Variants in NDST3 observed in about 807,000 individuals in gnomAD.
The protein encoded by NDST3 is N-deacetylase and N-sulfotransferase 3.
In NDST3, 58 loss-of-function variants were observed where a neutral mutation model predicts 96.1. The observed-to-expected ratio is 0.60, with a 90% CI of 0.49 to 0.75. The LOEUF (loss-of-function observed/expected upper bound fraction) is 0.75, where lower values mean the gene tolerates loss of function less well. Ranked by LOEUF, NDST3 falls within the 30% of genes least tolerant of loss-of-function variation. The pLI, the probability that NDST3 is intolerant of heterozygous loss-of-function variation, is 0.00. For synonymous variants in NDST3, 333 were observed against 359.7 expected (o/e 0.93, Z 0.84); for missense variants, 788 against 1,034.2 (o/e 0.76, Z 3.27).
At chr4:118,243,891 G>T (rs1414107175) in intron 12 of NDST3, among the ~76,000 whole-genome samples, 3 of 152,150 alleles carry the variant, frequency 2.0e-5, no homozygotes, top group Admixed American at 6.5e-5. Flanking sequence ...AAACTTAAGA[G>T]AATATCAAAG....
At chr4:118,122,433 T>A (rs1449634799) in intron 4 of NDST3, among the ~76,000 whole-genome samples, 1 of 152,174 alleles carries the variant, frequency 6.6e-6, no homozygotes, top group Non-Finnish European at 1.5e-5. Flanking sequence ...GGCTCCGCTT[T>A]GGCATTTTTG....
chr4:118,198,777 A>G (rs1039401130), intron 6 of NDST3, among the ~76,000 whole-genome samples: 3 of 150,892 alleles, frequency 2.0e-5, no homozygotes, highest in Non-Finnish European at 4.4e-5. Flanking sequence ...TTTTTTGTCT[A>G]GGAAAGTCTT....
chr4:118,158,179 C>G (rs1734839946), intron 6 of NDST3, among the ~76,000 whole-genome samples: 1 of 152,108 alleles, frequency 6.6e-6, no homozygotes, highest in South Asian at 2.1e-4. Context: ...ATCAATGACA[C>G]TTAGTAGCAA....
rs575766089 is a variant in NDST3 at position 118,044,837 on chromosome 4, G to A, written c.-155-8919G>A. Among the ~76,000 whole-genome samples the A allele has an allele frequency of 5.9e-5, 9 of 152,246 alleles. No homozygotes were observed. In the South Asian group the frequency reaches 8.3e-4, roughly 14 times the overall value. On this transcript the variant is annotated intron_variant, in intron 1 of 13. Coordinates refer to ENST00000296499, the MANE Select transcript of NDST3 (RefSeq NM_004784.3). ...TGCACAAAGGGGCAAGAGAGCAAGA[G>A]CCAGCCAAACTTGCTTTTATGACAC...
At chr4:118,253,464 T>A (rs367549711) in intron 12 of NDST3, 35 bp from the exon 13 acceptor site, 1 of 1,430,678 alleles carries the variant, frequency 7.0e-7, no homozygotes, top group Non-Finnish European at 9.7e-7. Context: ...AAAATGATTT[T>A]CTGGTTTTTC....
At chr4:118,088,116 A>C in intron 2 of NDST3, among the ~76,000 whole-genome samples, 1 of 152,232 alleles carries the variant, frequency 6.6e-6, no homozygotes, top group South Asian at 2.1e-4. Flanking sequence ...ATGCCAGTCA[A>C]GTAACAGGAA....
intron 12 of NDST3, among the ~76,000 whole-genome samples, chr4:118,245,409 A>G (rs1436164102): frequency 1.3e-5 from 2 of 152,178 alleles, no homozygotes; most frequent in African/African-American, 2.4e-5. Context: ...TTGAAAGCCG[A>G]GAGTTGAGTA....
intron 1 of NDST3, among the ~76,000 whole-genome samples, chr4:118,044,476 C>T (rs949852715): frequency 1.3e-5 from 2 of 152,186 alleles, no homozygotes; most frequent in African/African-American, 4.8e-5. Context: ...TTGTCCCTTC[C>T]CTACAATTCT....
intron 6 of NDST3, among the ~76,000 whole-genome samples, chr4:118,200,931 AC>A (rs1024096213): frequency 6.6e-6 from 1 of 152,090 alleles, no homozygotes; most frequent in African/African-American, 2.4e-5. Flanking sequence ...TAGTTTTTCA[AC>A]CCACCCACTC....
At chr4:118,127,437 G>A (rs72907147) in intron 4 of NDST3, among the ~76,000 whole-genome samples, 36 of 151,996 alleles carry the variant, frequency 2.4e-4, no homozygotes, top group African/African-American at 8.7e-4. Context: ...AGCACCATTT[G>A]TTGAAGAGAT....
chr4:118,150,185 A>G (rs1218239672), intron 6 of NDST3, among the ~76,000 whole-genome samples: 6 of 152,010 alleles, frequency 3.9e-5, no homozygotes, highest in Non-Finnish European at 7.4e-5. Flanking sequence ...TTTTTGCATC[A>G]ATGTTCATCA....
intron 6 of NDST3, among the ~76,000 whole-genome samples, chr4:118,168,491 T>C (rs977830549): frequency 2.6e-5 from 4 of 152,100 alleles, no homozygotes; most frequent in African/African-American, 9.7e-5. Context: ...CTAGTGAGAA[T>C]GTGGAGAAAT....
At chr4:118,151,857 T>C (rs1010704070) in intron 6 of NDST3, among the ~76,000 whole-genome samples, 22 of 152,122 alleles carry the variant, frequency 1.4e-4, no homozygotes, top group Admixed American at 6.5e-5. Context: ...CTCAGGAAAC[T>C]TTTTCTACTC....
chr4:118,112,394 G>A, intron 3 of NDST3, among the ~76,000 whole-genome samples: 1 of 152,202 alleles, frequency 6.6e-6, no homozygotes, highest in East Asian at 1.9e-4. Context: ...AGCAGTGGGA[G>A]AGGAGACTTC....
chr4:118,095,645 C>T (rs993668921), intron 2 of NDST3, among the ~76,000 whole-genome samples: 1 of 151,280 alleles, frequency 6.6e-6, no homozygotes, highest in African/African-American at 2.4e-5. Flanking sequence ...TCAGCATATT[C>T]ACAGTATTGT....
chr4:118,102,915 T>C (rs1729882339), intron 2 of NDST3, among the ~76,000 whole-genome samples: 1 of 152,144 alleles, frequency 6.6e-6, no homozygotes, highest in East Asian at 1.9e-4. Context: ...GTGTTTAGTG[T>C]TTATTTCTAG....
At chr4:118,189,278 T>C (rs1396501487) in intron 6 of NDST3, among the ~76,000 whole-genome samples, 3 of 152,186 alleles carry the variant, frequency 2.0e-5, no homozygotes, top group Non-Finnish European at 2.9e-5. Flanking sequence ...CTTGAACTCC[T>C]GAGCTCAGGT....
intron 6 of NDST3, among the ~76,000 whole-genome samples, chr4:118,171,924 A>T (rs1409648721): frequency 6.6e-6 from 1 of 152,174 alleles, no homozygotes; most frequent in African/African-American, 2.4e-5. Flanking sequence ...TCCTGGGATG[A>T]CAAAGGAGGA....
chr4:118,132,153 G>A (rs755299795), intron 4 of NDST3, among the ~76,000 whole-genome samples: 5 of 152,152 alleles, frequency 3.3e-5, no homozygotes, highest in Non-Finnish European at 7.4e-5. Flanking sequence ...CTTCAGAGCG[G>A]CAAGTTCCTC....
Sources: gnomAD v4.1 joint callset for allele counts (sites outside exome capture counted in the v4.1 genomes callset) on GRCh38, gnomAD v4.1.1 for gene constraint, MANE v1.5 for transcripts, NCBI Gene and HGNC (gene_info 2026-07-23, HGNC 2026-07-21) for gene names.